The following IMMP2L variants were observed in gnomAD, a reference collection of about 807,000 sequenced individuals.
IMMP2L encodes inner mitochondrial membrane peptidase subunit 2, also known as mitochondrial inner membrane protease subunit 2.
In IMMP2L, 18 loss-of-function variants were observed where a neutral mutation model predicts 19.3. That is an observed-to-expected ratio of 0.93 (90% confidence interval 0.64 to 1.38). The LOEUF is 1.38. Among genes scored for constraint, IMMP2L ranks in the 40% most tolerant of loss-of-function variants. The pLI, the probability that IMMP2L is intolerant of heterozygous loss-of-function variation, is 0.00. For missense variants in IMMP2L, 233 were observed against 218.2 expected, an observed-to-expected ratio of 1.07 and a Z score of -0.43; for synonymous variants, 76 against 73.0, an observed-to-expected ratio of 1.04 and a Z score of -0.21.
intron 5 of IMMP2L, among the ~76,000 whole-genome samples, chr7:110,875,462 G>A (rs1157415407): frequency 6.6e-6 from 1 of 152,120 alleles, no homozygotes; most frequent in Non-Finnish European, 1.5e-5. Flanking sequence ...ATTTTGTGAA[G>A]TAGAATTTCT....
At chr7:111,264,528 C>T (rs1293593569) in intron 3 of IMMP2L, among the ~76,000 whole-genome samples, 2 of 151,562 alleles carry the variant, frequency 1.3e-5, no homozygotes, top group Admixed American at 1.3e-4. Context: ...TTTAGGTTTT[C>T]GCCCAACAGG....
rs1164517424 is a variant in IMMP2L at position 111,213,731 on chromosome 7, C to T, written c.240-250166G>A. ...AGAGCTAAAGAGATGACAGTATGAC[C>T]AGTTGTGGAGAGGAGCTACCCACAC... On this transcript the variant is annotated intron_variant, in intron 3 of 5. Transcript: ENST00000405709. The surrounding 1 kb of genome is among the most constrained non-coding windows in gnomAD (Gnocchi z 4.8). Among the ~76,000 whole-genome samples the T allele has an allele frequency of 6.6e-6, 1 of 152,084 alleles. No homozygotes were observed. The highest frequency in any genetic ancestry group is 1.9e-4 in the East Asian group (1 of 5,190).
intron 3 of IMMP2L, among the ~76,000 whole-genome samples, chr7:111,109,472 T>C (rs1214595381): frequency 6.6e-6 from 1 of 152,124 alleles, no homozygotes; most frequent in Non-Finnish European, 1.5e-5. Context: ...CATGAAGGTG[T>C]TTCATTAACA....
At position 110,907,883 on chromosome 7, in the gene IMMP2L, T is replaced by C. The variant is rs528930439; in HGVS notation, c.306-21188A>G. ...GGGGGGGAAATGCTTCAGAAGTTATTGGTGCTGAGCTAGGATATTCCCAGG... is the reference window on the plus strand; with the variant it reads ...GGGGGGGAAATGCTTCAGAAGTTATCGGTGCTGAGCTAGGATATTCCCAGG... On this transcript the variant is annotated intron_variant, in intron 4 of 5. Transcript: ENST00000405709. Among the ~76,000 whole-genome samples, 3 of 152,220 alleles carry C rather than the reference T, an allele frequency of 2.0e-5. No individual in the cohort carries two copies. The East Asian group carries it at 5.8e-4, about 29-fold the overall frequency.
chr7:111,181,311 A>T (rs1807680495), intron 3 of IMMP2L, among the ~76,000 whole-genome samples: 1 of 152,038 alleles, frequency 6.6e-6, no homozygotes, highest in African/African-American at 2.4e-5. Context: ...CATAACATGA[A>T]ACACGCTTCT....
rs567470388 is a variant in IMMP2L at position 111,071,777 on chromosome 7, TG to T, written c.240-108213del. On this transcript the variant is annotated intron_variant, in intron 3 of 5. Transcript: ENST00000405709. ...TAATGGGTACAGTTTTTTTTTGGTG[TG>T]GTGAAAACACTTTGTAACTTGATAT... Among the ~76,000 whole-genome samples, 10 of 152,260 alleles carry T rather than the reference TG, an allele frequency of 6.6e-5. No individual in the cohort carries two copies. In the East Asian group the frequency reaches 1.9e-3, roughly 29 times the overall value.
chr7:110,771,898 A>G (rs145005288), intron 5 of IMMP2L, among the ~76,000 whole-genome samples: 224 of 152,286 alleles, frequency 1.5e-3, no homozygotes, highest in African/African-American at 5.3e-3. Flanking sequence ...TAGGATATGT[A>G]CCCAGCACTT....
chr7:111,381,946 T>C (rs1196516132), intron 3 of IMMP2L, among the ~76,000 whole-genome samples: 2 of 151,990 alleles, frequency 1.3e-5, no homozygotes, highest in African/African-American at 2.4e-5. Context: ...AACACTTTTA[T>C]TATCATCAAA....
At chr7:110,954,497 A>T (rs10239301) in intron 4 of IMMP2L, among the ~76,000 whole-genome samples, 1 of 152,072 alleles carries the variant, frequency 6.6e-6, no homozygotes, top group African/African-American at 2.4e-5. Flanking sequence ...AAAAACTATC[A>T]CTATCTGATA....
intron 4 of IMMP2L, among the ~76,000 whole-genome samples, chr7:110,960,690 T>G (rs1018276962): frequency 1.3e-5 from 2 of 151,888 alleles, no homozygotes; most frequent in Non-Finnish European, 2.9e-5. Flanking sequence ...CACCAAGTTC[T>G]TCTAGTTTAG....
chr7:110,992,592 T>C (rs923172822), intron 3 of IMMP2L, among the ~76,000 whole-genome samples: 2 of 151,734 alleles, frequency 1.3e-5, no homozygotes, highest in Non-Finnish European at 2.9e-5. Flanking sequence ...ATACCTTAAC[T>C]GAGTTCCTAA....
intron 3 of IMMP2L, among the ~76,000 whole-genome samples, chr7:111,464,013 T>G (rs1563223636): frequency 6.6e-6 from 1 of 152,180 alleles, no homozygotes; most frequent in Non-Finnish European, 1.5e-5. Context: ...GCTCCTTTCC[T>G]CCTTCACACT....
chr7:110,927,085 CTATT>C (rs1563086312), intron 4 of IMMP2L, among the ~76,000 whole-genome samples: 1 of 152,038 alleles, frequency 6.6e-6, no homozygotes, highest in South Asian at 2.1e-4. Context: ...AACACAGATT[CTATT>C]TATTTCTGCC....
intron 2 of IMMP2L, 142 bp downstream of exon 2, chr7:111,521,171 T>C (rs897263936): frequency 1.0e-5 from 9 of 867,910 alleles, no homozygotes; most frequent in African/African-American, 8.4e-5. Flanking sequence ...TAAGAACAAA[T>C]TCAGTAAAGT....
chr7:110,804,096 C>T (rs1461334972), intron 5 of IMMP2L, among the ~76,000 whole-genome samples: 1 of 152,002 alleles, frequency 6.6e-6, no homozygotes, highest in African/African-American at 2.4e-5. Context: ...GCTTTGAAAC[C>T]ACATGTAAAC....
intron 3 of IMMP2L, among the ~76,000 whole-genome samples, chr7:111,343,652 T>G (rs1214330102): frequency 3.9e-5 from 6 of 152,112 alleles, no homozygotes; most frequent in Non-Finnish European, 7.3e-5. Context: ...ACTCAGTATC[T>G]TTTTAATACA....
intron 3 of IMMP2L, among the ~76,000 whole-genome samples, chr7:111,361,643 G>A (rs1319267669): frequency 2.6e-5 from 4 of 152,076 alleles, no homozygotes; most frequent in African/African-American, 9.7e-5. Flanking sequence ...TCAGGAAAAT[G>A]CTGGTGCTGC....
chr7:111,334,067 AT>A (rs1197773764), intron 3 of IMMP2L, among the ~76,000 whole-genome samples: 1 of 152,150 alleles, frequency 6.6e-6, no homozygotes, highest in East Asian at 1.9e-4. Flanking sequence ...ATTTTAAACA[AT>A]TATAAGCACA....
intron 5 of IMMP2L, among the ~76,000 whole-genome samples, chr7:110,692,826 C>T (rs1248966983): frequency 6.6e-6 from 1 of 152,044 alleles, no homozygotes; most frequent in Non-Finnish European, 1.5e-5. Context: ...TACTGCTAGG[C>T]CCAATGTGAC....
Sources: allele counts gnomAD v4.1 joint callset (sites outside exome capture counted in the v4.1 genomes callset), GRCh38; gene constraint gnomAD v4.1.1; non-coding constraint Gnocchi (gnomAD v3.1); transcripts MANE v1.5; gene names NCBI Gene and HGNC (gene_info 2026-07-23, HGNC 2026-07-21).